The following SEMA3D variants were observed in gnomAD, a reference collection of about 807,000 sequenced individuals.
SEMA3D encodes semaphorin-3D.
A neutral mutation model predicts 100.1 loss-of-function variants in SEMA3D; 84 were observed. The ratio of observed to expected loss-of-function variants is 0.84; its 90% CI spans 0.70 to 1.01. The LOEUF (loss-of-function observed/expected upper bound fraction) is 1.01, where lower values mean the gene tolerates loss of function less well. Ranked by LOEUF, SEMA3D falls within the 50% of genes least tolerant of loss-of-function variation. The probability of loss-of-function intolerance (pLI) is 0.00; values close to 1 mark genes in which losing one functional copy is unlikely to be tolerated. For missense variants in SEMA3D, 875 were observed against 934.1 expected, an observed-to-expected ratio of 0.94 and a Z score of 0.82; for synonymous variants, 312 against 320.7, an observed-to-expected ratio of 0.97 and a Z score of 0.29.
intron 1 of SEMA3D, among the ~76,000 whole-genome samples, chr7:85,156,993 G>A (rs1399788164): frequency 1.3e-5 from 2 of 152,120 alleles, no homozygotes; most frequent in African/African-American, 4.8e-5. Flanking sequence ...TTTGCATAAT[G>A]GTTTACTCTA....
At chr7:85,057,373 TC>T (rs1791350794) in intron 8 of SEMA3D, among the ~76,000 whole-genome samples, 1 of 152,098 alleles carries the variant, frequency 6.6e-6, no homozygotes, top group Non-Finnish European at 1.5e-5. Context: ...AGGAAAGACT[TC>T]AATTAGAAAA....
chr7:85,080,673 A>C (rs565432464), intron 5 of SEMA3D, among the ~76,000 whole-genome samples: 1 of 152,258 alleles, frequency 6.6e-6, no homozygotes, highest in African/African-American at 2.4e-5. Flanking sequence ...ATAATGCAAG[A>C]AGTCAGGACA....
At chr7:85,135,801 A>T (rs1789848398) in intron 2 of SEMA3D, among the ~76,000 whole-genome samples, 1 of 151,054 alleles carries the variant, frequency 6.6e-6, no homozygotes, top group Non-Finnish European at 1.5e-5. Flanking sequence ...AAAAAATTAT[A>T]ATAAGAAAAT....
At chr7:85,146,496 T>C (rs1344791096) in intron 2 of SEMA3D, among the ~76,000 whole-genome samples, 1 of 151,600 alleles carries the variant, frequency 6.6e-6, no homozygotes, top group African/African-American at 2.4e-5. Context: ...GGAGGTTGCA[T>C]TGAGCCAAGA....
At chr7:85,125,969 C>T (rs1040192362) in intron 2 of SEMA3D, among the ~76,000 whole-genome samples, 2 of 151,998 alleles carry the variant, frequency 1.3e-5, no homozygotes, top group African/African-American at 2.4e-5. Flanking sequence ...ATAATCTATT[C>T]CAGATGCTCC....
intron 8 of SEMA3D, among the ~76,000 whole-genome samples, chr7:85,063,579 C>G (rs1285480586): frequency 1.3e-5 from 2 of 152,166 alleles, no homozygotes; most frequent in Admixed American, 1.3e-4. Context: ...AGTATATTCT[C>G]TCTCAAATAT....
the SEMA3D span, among the ~76,000 whole-genome samples, chr7:85,242,866 T>C: frequency 6.6e-6 from 1 of 152,160 alleles, no homozygotes; most frequent in Non-Finnish European, 1.5e-5. Context: ...CAAAACCTGA[T>C]TTTTTACCTT....
chr7:85,052,735 G>T (rs1454595914), intron 9 of SEMA3D, among the ~76,000 whole-genome samples: 1 of 151,806 alleles, frequency 6.6e-6, no homozygotes, highest in East Asian at 1.9e-4. Context: ...AAAGAAAAGG[G>T]ACAGTGGTTG....
At chr7:85,186,194 A>T (rs746202721) in intron 1 of SEMA3D, among the ~76,000 whole-genome samples, 1 of 152,136 alleles carries the variant, frequency 6.6e-6, no homozygotes, top group Non-Finnish European at 1.5e-5. Context: ...GAGGGCGCAG[A>T]TGCCCTTTGG....
intron 4 of SEMA3D, among the ~76,000 whole-genome samples, chr7:85,084,976 C>CT (rs1188239875): frequency 6.6e-6 from 1 of 151,964 alleles, no homozygotes; most frequent in South Asian, 2.1e-4. Context: ...TGGTCTGTTT[C>CT]TTTTTTTTAT....
At chr7:85,145,183 C>A (rs1790167095) in intron 2 of SEMA3D, among the ~76,000 whole-genome samples, 1 of 151,378 alleles carries the variant, frequency 6.6e-6, no homozygotes, top group South Asian at 2.1e-4. Flanking sequence ...TTATTTTATG[C>A]CAGTCTGGCA....
At chr7:85,105,576 CA>C (rs2116343913) in intron 3 of SEMA3D, among the ~76,000 whole-genome samples, 1 of 152,174 alleles carries the variant, frequency 6.6e-6, no homozygotes, top group Admixed American at 6.5e-5. Flanking sequence ...AAAAGCCCTA[CA>C]AAAGACTGCT....
intron 6 of SEMA3D, among the ~76,000 whole-genome samples, chr7:85,068,793 G>A (rs570835433): frequency 5.9e-5 from 9 of 152,062 alleles, no homozygotes; most frequent in South Asian, 2.1e-4. Flanking sequence ...GTTCTAAGGC[G>A]GGCAGTTCAT....
At chr7:85,222,350 C>G in the SEMA3D span, among the ~76,000 whole-genome samples, 1 of 151,904 alleles carries the variant, frequency 6.6e-6, no homozygotes, top group Middle Eastern at 3.4e-3. Flanking sequence ...GAAAACTAAT[C>G]ATTCCAATGC....
intron 9 of SEMA3D, 55 bp downstream of exon 9, chr7:85,055,662 A>T: frequency 6.8e-6 from 1 of 147,562 alleles, no homozygotes; most frequent in African/African-American, 3.7e-5. Flanking sequence ...ATATATATAT[A>T]TATATATATA....
At chr7:85,222,486 G>T in the SEMA3D span, among the ~76,000 whole-genome samples, 1 of 151,978 alleles carries the variant, frequency 6.6e-6, no homozygotes, top group Non-Finnish European at 1.5e-5. Flanking sequence ...TCCCACTATG[G>T]TTTTTGTTTT....
At chr7:85,161,689 C>T (rs191031910) in intron 1 of SEMA3D, among the ~76,000 whole-genome samples, 8 of 152,180 alleles carry the variant, frequency 5.3e-5, no homozygotes, top group African/African-American at 1.9e-4. Flanking sequence ...GTTGCATGTA[C>T]ATATAGGCCA....
intron 2 of SEMA3D, among the ~76,000 whole-genome samples, chr7:85,148,227 C>T (rs541100641): frequency 6.6e-6 from 1 of 152,024 alleles, no homozygotes; most frequent in East Asian, 1.9e-4. Flanking sequence ...ATTAATTAAC[C>T]CTCCCTGAGA....
At chr7:85,058,611 G>C (rs1791389253) in intron 8 of SEMA3D, among the ~76,000 whole-genome samples, 1 of 151,562 alleles carries the variant, frequency 6.6e-6, no homozygotes, top group South Asian at 2.1e-4. Context: ...AGCTGGGCGT[G>C]GTGGCGGGCG....
Sources: gnomAD v4.1 joint callset for allele counts (sites outside exome capture counted in the v4.1 genomes callset) on GRCh38, gnomAD v4.1.1 for gene constraint, MANE v1.5 for transcripts, NCBI Gene and HGNC (gene_info 2026-07-23, HGNC 2026-07-21) for gene names.